Variants in WWOX observed in about 807,000 individuals in gnomAD.
WWOX encodes WW domain-containing oxidoreductase.
A neutral mutation model predicts 46.2 loss-of-function variants in WWOX; 69 were observed. That is an observed-to-expected ratio of 1.49 (90% confidence interval 1.23 to 1.82). WWOX has a LOEUF of 1.82. Ranked by LOEUF, WWOX falls within the 40% of genes most tolerant of loss-of-function variation. The pLI, the probability that WWOX is intolerant of heterozygous loss-of-function variation, is 0.00. For synonymous variants in WWOX, 359 were observed against 202.6 expected, an observed-to-expected ratio of 1.77 and a Z score of -6.56; for missense variants, 919 against 542.6, an observed-to-expected ratio of 1.69 and a Z score of -6.89.
chr16:78,452,536 G>T (rs1423172226), intron 8 of WWOX, among the ~76,000 whole-genome samples: 1 of 146,590 alleles, frequency 6.8e-6, no homozygotes, highest in South Asian at 2.2e-4. Context: ...GAGTGCAGTG[G>T]CGGATCTTGG....
chr16:78,807,754 T>TG (rs2051081100), intron 8 of WWOX, among the ~76,000 whole-genome samples: 1 of 152,232 alleles, frequency 6.6e-6, no homozygotes, highest in Non-Finnish European at 1.5e-5. Flanking sequence ...CTGACCAAAC[T>TG]GTAGAGCTGC....
intron 5 of WWOX, among the ~76,000 whole-genome samples, chr16:78,279,702 G>A (rs1179078978): frequency 6.6e-6 from 1 of 152,184 alleles, no homozygotes; most frequent in Non-Finnish European, 1.5e-5. Context: ...AGAATCCAGT[G>A]TAGTAGATTG....
chr16:78,786,432 G>A (rs1470424516), intron 8 of WWOX, among the ~76,000 whole-genome samples: 1 of 152,086 alleles, frequency 6.6e-6, no homozygotes, highest in Non-Finnish European at 1.5e-5. Flanking sequence ...CAAGAGCATA[G>A]GTAACAGTAA....
intron 8 of WWOX, among the ~76,000 whole-genome samples, chr16:78,567,867 G>C (rs1425942840): frequency 1.3e-5 from 2 of 152,116 alleles, no homozygotes; most frequent in African/African-American, 2.4e-5. Flanking sequence ...CAAGCCTGCA[G>C]CTCGTCCCGT....
Position 79,144,178 on chromosome 16 carries a change from G to A in WWOX, c.1057-67430G>A, listed in dbSNP as rs561565266. ...GCCTCCCAAAGTGTGGAGATTACAGGCATGAGCCACTGCACACAGCCAAGG... is the reference window on the plus strand; with the variant it reads ...GCCTCCCAAAGTGTGGAGATTACAGACATGAGCCACTGCACACAGCCAAGG... On this transcript the variant is annotated intron_variant, in intron 8 of 8. Coordinates refer to ENST00000566780, the MANE Select transcript of WWOX (RefSeq NM_016373.4). Among the ~76,000 whole-genome samples the A allele has an allele frequency of 9.2e-5, 14 of 152,294 alleles. No homozygotes were observed. In the South Asian group the frequency reaches 2.7e-3, roughly 29 times the overall value.
chr16:78,447,925 T>C (rs2083599847), intron 8 of WWOX, among the ~76,000 whole-genome samples: 1 of 152,178 alleles, frequency 6.6e-6, no homozygotes, highest in African/African-American at 2.4e-5. Flanking sequence ...TGCCTCAGCC[T>C]CCCAAGTAGC....
chr16:78,796,476 C>G (rs1473115694), intron 8 of WWOX, among the ~76,000 whole-genome samples: 2 of 152,246 alleles, frequency 1.3e-5, no homozygotes, highest in Non-Finnish European at 2.9e-5. Context: ...GCAAGGGATT[C>G]TGGGAAATGT....
At chr16:78,783,760 T>C (rs1053269563) in intron 8 of WWOX, among the ~76,000 whole-genome samples, 5 of 152,074 alleles carry the variant, frequency 3.3e-5, no homozygotes, top group Non-Finnish European at 7.4e-5. Context: ...GTGATGATGG[T>C]AGTATGATAA....
intron 4 of WWOX, among the ~76,000 whole-genome samples, chr16:78,136,419 C>A (rs1464310269): frequency 1.3e-5 from 2 of 152,168 alleles, no homozygotes; most frequent in Non-Finnish European, 2.9e-5. Context: ...TGGGTGTCTG[C>A]TTTGGTGTTC....
intron 8 of WWOX, among the ~76,000 whole-genome samples, chr16:78,691,571 A>G (rs926892964): frequency 6.6e-6 from 1 of 152,054 alleles, no homozygotes; most frequent in African/African-American, 2.4e-5. Flanking sequence ...ATCTGGGTAT[A>G]GTGGTGTGCA....
chr16:78,946,140 A>G (rs2045944226), intron 8 of WWOX, among the ~76,000 whole-genome samples: 1 of 152,112 alleles, frequency 6.6e-6, no homozygotes, highest in African/African-American at 2.4e-5. Flanking sequence ...AATTCCCCCT[A>G]CAAGAATGCC....
intron 8 of WWOX, among the ~76,000 whole-genome samples, chr16:78,486,759 A>G (rs2084647733): frequency 6.6e-6 from 1 of 152,020 alleles, no homozygotes; most frequent in Non-Finnish European, 1.5e-5. Context: ...TTTTCAGTTG[A>G]GATAAGGGTT....
chr16:79,137,299 G>A (rs1013459106), intron 8 of WWOX, among the ~76,000 whole-genome samples: 1 of 152,210 alleles, frequency 6.6e-6, no homozygotes, highest in Admixed American at 6.5e-5. Flanking sequence ...CATGGAGAAC[G>A]AGCTGAGGAG....
intron 8 of WWOX, among the ~76,000 whole-genome samples, chr16:78,751,944 G>C (rs1009311986): frequency 6.6e-6 from 1 of 152,170 alleles, no homozygotes; most frequent in African/African-American, 2.4e-5. Flanking sequence ...TCTTTCTTCT[G>C]GTGCCTCCAC....
rs183523177 is a variant in WWOX, at chr16:78,908,252, G to A, written c.1057-303356G>A. ...ACAGGGGGATTGCCATAAAGAAAGA[G>A]TTTAGGTCCAGGCACGGTGGCTCAT... On this transcript the variant is annotated intron_variant, in intron 8 of 8. Transcript: ENST00000566780. 3.3e-3 allele frequency among the ~76,000 whole-genome samples: 499 copies of A among 152,164 alleles called. 4 individuals carry two copies. Among genetic ancestry groups the A allele is most frequent in the African/African-American group, 0.012 (485 of 41,532 alleles).
At chr16:78,977,902 C>A (rs1215165402) in intron 8 of WWOX, among the ~76,000 whole-genome samples, 3 of 152,196 alleles carry the variant, frequency 2.0e-5, no homozygotes, top group African/African-American at 7.2e-5. Context: ...AGGTGAAATT[C>A]ACATAATATA....
chr16:79,028,130 C>A (rs994423957), intron 8 of WWOX, among the ~76,000 whole-genome samples: 10 of 151,630 alleles, frequency 6.6e-5, no homozygotes, highest in Non-Finnish European at 1.5e-4. Flanking sequence ...TTTGTATTTT[C>A]AGCAGAGACG....
chr16:78,586,779 T>G (rs2151596214), intron 8 of WWOX, among the ~76,000 whole-genome samples: 1 of 152,272 alleles, frequency 6.6e-6, no homozygotes, highest in Admixed American at 6.5e-5. Flanking sequence ...TTCAGGAAGG[T>G]TAAGTAATGT....
At chr16:78,111,050 G>A (rs2032461045) in intron 3 of WWOX, among the ~76,000 whole-genome samples, 1 of 151,970 alleles carries the variant, frequency 6.6e-6, no homozygotes, top group Admixed American at 6.5e-5. Flanking sequence ...AAACGTTTCA[G>A]TATTTGATTC....
Sources: gnomAD v4.1 joint callset for allele counts (sites outside exome capture counted in the v4.1 genomes callset) on GRCh38, gnomAD v4.1.1 for gene constraint, MANE v1.5 for transcripts, NCBI Gene and HGNC (gene_info 2026-07-23, HGNC 2026-07-21) for gene names.